AIG1: variants seen among roughly 807,000 people sequenced by gnomAD.
AIG1 encodes androgen-induced gene 1 protein.
Under a neutral mutation model 31.4 loss-of-function variants are expected in AIG1, and 23 were observed. The observed-to-expected ratio is 0.73, with a 90% CI of 0.53 to 1.04. AIG1 has a LOEUF of 1.04. Ranked by LOEUF, AIG1 falls within the 50% of genes least tolerant of loss-of-function variation. The pLI is 0.00. For synonymous variants in AIG1, 100 were observed against 110.5 expected (o/e 0.90, Z 0.60); for missense variants, 274 against 295.0 (o/e 0.93, Z 0.52).
intron 1 of AIG1, among the ~76,000 whole-genome samples, chr6:143,135,238 A>T (rs554622845): frequency 2.6e-5 from 4 of 152,116 alleles, no homozygotes; most frequent in South Asian, 2.1e-4. Flanking sequence ...TTAGCTAGTA[A>T]TGAAGAATAA....
chr6:143,133,157 T>G (rs1450730302), intron 1 of AIG1, among the ~76,000 whole-genome samples: 1 of 152,170 alleles, frequency 6.6e-6, no homozygotes, highest in Non-Finnish European at 1.5e-5. Flanking sequence ...TTTGTTGTCT[T>G]CCTTTAAATA....
Position 143,138,520 on chromosome 6 carries a change from G to A in AIG1, c.297+1530G>A, listed in dbSNP as rs193090687. ...ATGTATACATTTTTTCTTTTTTAAC[G>A]TCTACTCCCTTGGAATTTCTATAGC... On this transcript the variant is annotated intron_variant, in intron 2 of 5. Transcript: ENST00000357847. Among the ~76,000 whole-genome samples the A allele has an allele frequency of 5.1e-3, 769 of 151,278 alleles. 6 individuals are homozygous for A. The highest frequency in any genetic ancestry group is 0.018 in the African/African-American group (742 of 41,192).
intron 1 of AIG1, among the ~76,000 whole-genome samples, chr6:143,126,957 G>A (rs1288679926): frequency 6.6e-6 from 1 of 151,942 alleles, no homozygotes; most frequent in East Asian, 1.9e-4. Context: ...TATATATTCG[G>A]TACTATATAG....
At chr6:143,067,436 G>A (rs891279379) in intron 1 of AIG1, among the ~76,000 whole-genome samples, 99 of 152,140 alleles carry the variant, frequency 6.5e-4, no homozygotes, top group African/African-American at 2.3e-3. Context: ...TAAAGTCTCA[G>A]ATGTGGAAAA....
chr6:143,341,879 G>A (rs938965173), downstream of AIG1, among the ~76,000 whole-genome samples: 1 of 152,174 alleles, frequency 6.6e-6, no homozygotes, highest in Non-Finnish European at 1.5e-5. Context: ...TCTTTTTGCT[G>A]GAGTAAAACA....
chr6:143,266,958 T>C (rs914303860), intron 3 of AIG1, among the ~76,000 whole-genome samples: 1 of 152,162 alleles, frequency 6.6e-6, no homozygotes, highest in Admixed American at 6.5e-5. Context: ...CTAGAACCAA[T>C]TTAAGCAGAG....
chr6:143,310,677 T>C (rs1165795072), intron 4 of AIG1, among the ~76,000 whole-genome samples: 1 of 148,900 alleles, frequency 6.7e-6, no homozygotes. Context: ...TTGTAACAGA[T>C]TGATAAAATT....
intron 1 of AIG1, among the ~76,000 whole-genome samples, chr6:143,135,417 C>T (rs1424698987): frequency 1.3e-5 from 2 of 152,040 alleles, no homozygotes; most frequent in African/African-American, 4.8e-5. Flanking sequence ...AAATTATTCC[C>T]TGAGTCATTT....
At chr6:143,084,076 C>T (rs1488457731) in intron 1 of AIG1, among the ~76,000 whole-genome samples, 1 of 152,126 alleles carries the variant, frequency 6.6e-6, no homozygotes, top group Non-Finnish European at 1.5e-5. Flanking sequence ...GGACAGTTGT[C>T]CGGGACAGGA....
intron 3 of AIG1, among the ~76,000 whole-genome samples, chr6:143,246,898 T>C (rs1794658508): frequency 6.6e-6 from 1 of 152,118 alleles, no homozygotes; most frequent in South Asian, 2.1e-4. Context: ...AAAAAAGGAC[T>C]CACAGAACCC....
Position 143,339,733 on chromosome 6 carries a change from C to G in AIG1, c.*57C>G. 6.3e-7 allele frequency: 1 copy of G among 1,582,178 alleles called. No individual in the cohort carries two copies. The stretch of plus-strand genomic sequence containing the variant: ...GCCGCCATTGAAGACTCCTTCCCCT[C>G]GGGCATTGGCAGTGGGGGAGAAAAG... On this transcript the variant is annotated 3_prime_UTR_variant, in exon 6 of 6. Coordinates refer to ENST00000357847, the MANE Select transcript of AIG1 (RefSeq NM_016108.4).
At chr6:143,245,675 C>A (rs1794570695) in intron 3 of AIG1, among the ~76,000 whole-genome samples, 1 of 152,198 alleles carries the variant, frequency 6.6e-6, no homozygotes, top group Non-Finnish European at 1.5e-5. Context: ...CCTACAGAAT[C>A]ATTTCAGTGT....
intron 4 of AIG1, among the ~76,000 whole-genome samples, chr6:143,290,942 C>T (rs1262246931): frequency 1.3e-5 from 2 of 152,116 alleles, no homozygotes; most frequent in Non-Finnish European, 2.9e-5. Context: ...CCACCCTCTT[C>T]CCAAGATGGG....
chr6:143,240,018 G>C (rs1052554800), intron 3 of AIG1, among the ~76,000 whole-genome samples: 2 of 152,190 alleles, frequency 1.3e-5, no homozygotes, highest in African/African-American at 4.8e-5. Context: ...TGGACAAAGA[G>C]AATAAATGAA....
chr6:143,260,026 T>TTC (rs1795641022), intron 3 of AIG1, among the ~76,000 whole-genome samples: 2 of 140,598 alleles, frequency 1.4e-5, no homozygotes, highest in East Asian at 4.1e-4. Flanking sequence ...TCTTTTTTTT[T>TTC]TTTTTTTTTT....
At chr6:143,217,553 G>A (rs975604116) in intron 3 of AIG1, among the ~76,000 whole-genome samples, 14 of 152,048 alleles carry the variant, frequency 9.2e-5, no homozygotes, top group African/African-American at 3.1e-4. Flanking sequence ...CTGTCGCCCA[G>A]GCTGGAGTGG....
At chr6:143,190,935 G>C (rs1789735438) in intron 3 of AIG1, among the ~76,000 whole-genome samples, 1 of 152,122 alleles carries the variant, frequency 6.6e-6, no homozygotes, top group South Asian at 2.1e-4. Context: ...CTCATACTCA[G>C]AGGTTCTGAT....
At chr6:143,096,290 A>G (rs1779786681) in intron 1 of AIG1, among the ~76,000 whole-genome samples, 1 of 152,234 alleles carries the variant, frequency 6.6e-6, no homozygotes, top group African/African-American at 2.4e-5. Context: ...TGCTACTTTA[A>G]TGAGTACTTA....
chr6:143,107,540 C>T (rs1424568150), intron 1 of AIG1, among the ~76,000 whole-genome samples: 2 of 152,030 alleles, frequency 1.3e-5, no homozygotes, highest in African/African-American at 4.8e-5. Context: ...AAGCTTCCTT[C>T]ATAACTGCAA....
Sources: gnomAD v4.1 joint callset for allele counts (sites outside exome capture counted in the v4.1 genomes callset) on GRCh38, gnomAD v4.1.1 for gene constraint, MANE v1.5 for transcripts, NCBI Gene and HGNC (gene_info 2026-07-23, HGNC 2026-07-21) for gene names.